Variants in UTS2B observed in about 807,000 individuals in gnomAD.
UTS2B encodes the protein urotensin 2B, also known as urotensin-2B.
A neutral mutation model predicts 19.2 loss-of-function variants in UTS2B; 21 were observed. The ratio of observed to expected loss-of-function variants is 1.09; its 90% CI spans 0.78 to 1.58. UTS2B has a LOEUF of 1.58. Ranked by LOEUF, UTS2B falls within the 40% of genes most tolerant of loss-of-function variation. The pLI is 0.00. For synonymous variants in UTS2B, 57 were observed against 50.2 expected, an observed-to-expected ratio of 1.14 and a Z score of -0.58; for missense variants, 138 against 130.3, an observed-to-expected ratio of 1.06 and a Z score of -0.29.
intron 4 of UTS2B, among the ~76,000 whole-genome samples, chr3:191,296,099 C>G (rs1716850236): frequency 6.6e-6 from 1 of 152,080 alleles, no homozygotes; most frequent in Admixed American, 6.6e-5. Context: ...CCTACATTAC[C>G]CGCCTTCACC....
intron 8 of UTS2B, among the ~76,000 whole-genome samples, chr3:191,272,797 G>T (rs1246333098): frequency 1.3e-5 from 2 of 151,144 alleles, no homozygotes; most frequent in African/African-American, 4.9e-5. Context: ...AAAGGCGAAG[G>T]TTGCAGTGAG....
rs147345071 is a variant in UTS2B at position 191,318,493 on chromosome 3, C to T, written c.-585-2054G>A. Among the ~76,000 whole-genome samples, 1,143 of 152,232 alleles carry T rather than the reference C, an allele frequency of 7.5e-3. 13 individuals are homozygous for T. The highest frequency in any genetic ancestry group is 0.027 in the African/African-American group (1,103 of 41,526). ...TGTTTTATTTTTTATTTTTGAGACGCAATCTCACTCTGTCACCCAGGCTGG... is the reference window on the plus strand; with the variant it reads ...TGTTTTATTTTTTATTTTTGAGACGTAATCTCACTCTGTCACCCAGGCTGG... On this transcript the variant is annotated intron_variant, in intron 2 of 8. Transcript: ENST00000340524.
intron 4 of UTS2B, chr3:191,294,750 C>T (rs1369326548): frequency 6.6e-6 from 1 of 151,502 alleles, no homozygotes; most frequent in Non-Finnish European, 1.5e-5. Context: ...AAATCTTGAC[C>T]AGGCATGGTG....
intron 4 of UTS2B, among the ~76,000 whole-genome samples, chr3:191,300,006 C>T (rs1716953282): frequency 6.6e-6 from 1 of 152,094 alleles, no homozygotes; most frequent in South Asian, 2.1e-4. Context: ...GTGCCTGTAG[C>T]CCCTTTCTTT....
intron 8 of UTS2B, among the ~76,000 whole-genome samples, chr3:191,271,011 T>C (rs1248690173): frequency 6.6e-6 from 1 of 151,996 alleles, no homozygotes; most frequent in Non-Finnish European, 1.5e-5. Flanking sequence ...GAGACCATTC[T>C]GACCAACATG....
At chr3:191,268,498 C>A in intron 8 of UTS2B, 57 bp from the exon 9 acceptor site, 1 of 1,305,918 alleles carries the variant, frequency 7.7e-7, no homozygotes, top group Non-Finnish European at 1.1e-6. Context: ...AAAACTTGCT[C>A]TTGAATCAAT....
the UTS2B span, among the ~76,000 whole-genome samples, chr3:191,343,664 C>A: frequency 6.6e-6 from 1 of 152,128 alleles, no homozygotes; most frequent in Non-Finnish European, 1.5e-5. Context: ...AAAGAAGGTA[C>A]AGGAGACAAG....
the UTS2B span, among the ~76,000 whole-genome samples, chr3:191,338,179 C>G: frequency 6.6e-6 from 1 of 152,158 alleles, no homozygotes; most frequent in African/African-American, 2.4e-5. Flanking sequence ...GCAACAAATT[C>G]TGTTTTGTTT....
At chr3:191,323,417 C>T (rs1477416336) in intron 2 of UTS2B, among the ~76,000 whole-genome samples, 1 of 152,132 alleles carries the variant, frequency 6.6e-6, no homozygotes, top group African/African-American at 2.4e-5. Context: ...GGTTCGCCCA[C>T]CTGGACCTCC....
chr3:191,330,830 A>G (rs1717956439), upstream of UTS2B, among the ~76,000 whole-genome samples: 1 of 152,196 alleles, frequency 6.6e-6, no homozygotes, highest in Non-Finnish European at 1.5e-5. Context: ...CAGAGTTTCA[A>G]GCACTAGGAG....
At chr3:191,290,315 T>A (rs1365712339) in intron 4 of UTS2B, among the ~76,000 whole-genome samples, 1 of 152,202 alleles carries the variant, frequency 6.6e-6, no homozygotes, top group Non-Finnish European at 1.5e-5. Flanking sequence ...GTTTGAGGAG[T>A]TCTTGTTATA....
rs1301364787 is a variant in UTS2B at position 191,282,252 on chromosome 3, A to G, written c.-63T>C. ...TTTCCAGGTCAAGATGGATATTTCT[A>G]TAGCTTTGGAATTCAGTAGAGCTTA... On this transcript the variant is annotated 5_prime_UTR_variant, in exon 5 of 9. Transcript: ENST00000340524. 1 of 1,281,644 alleles carries G rather than the reference A, an allele frequency of 7.8e-7. No individual in the cohort carries two copies. Among genetic ancestry groups the G allele is most frequent in the South Asian group, 1.3e-5 (1 of 75,628 alleles). 79.4% of individuals were successfully genotyped at this position (1,281,644 alleles called of 1,614,324 possible). A position where few individuals can be genotyped will look rare whatever the true frequency, so the allele number is the denominator to read the frequency against.
rs909717344 is a variant in UTS2B, at chr3:191,275,235, T to C, written c.334+17A>G. ...TCTTTTGGAAGTCAATCTTAAAACCTTGAAATGAAAGCTTACCTCGTTTGC... is the reference window on the plus strand; with the variant it reads ...TCTTTTGGAAGTCAATCTTAAAACCCTGAAATGAAAGCTTACCTCGTTTGC... On this transcript the variant is annotated intron_variant, in intron 8 of 8. Coordinates refer to ENST00000340524, the MANE Select transcript of UTS2B (RefSeq NM_198152.5). The C allele has an allele frequency of 1.5e-5, 23 of 1,572,490 alleles. No homozygotes were observed. Among genetic ancestry groups the C allele is most frequent in the Non-Finnish European group, 1.9e-5 (22 of 1,153,632 alleles).
rs577711819 is a variant in UTS2B at position 191,319,512 on chromosome 3, A to T, written c.-585-3073T>A. 5.9e-5 allele frequency among the ~76,000 whole-genome samples: 9 copies of T among 152,212 alleles called. No individual in the cohort carries two copies. The South Asian group carries it at 1.9e-3, about 32-fold the overall frequency. On this transcript the variant is annotated intron_variant, in intron 2 of 8. Transcript: ENST00000340524. Reference sequence around the variant, plus strand: ...TTAGTTGCTTCTCTAAATATTTTAAATTACACCTTCTGTCTATTAAGGTAT... The same window carrying T: ...TTAGTTGCTTCTCTAAATATTTTAATTTACACCTTCTGTCTATTAAGGTAT...
upstream of UTS2B, among the ~76,000 whole-genome samples, chr3:191,335,422 A>G (rs550431366): frequency 6.6e-6 from 1 of 152,168 alleles, no homozygotes. Flanking sequence ...AATAACCTAG[A>G]TCTTAGATAA....
intron 4 of UTS2B, among the ~76,000 whole-genome samples, chr3:191,289,220 T>C (rs2108582301): frequency 6.6e-6 from 1 of 151,966 alleles, no homozygotes; most frequent in East Asian, 1.9e-4. Context: ...CCATCCTGGC[T>C]AACATGGTGA....
intron 5 of UTS2B, among the ~76,000 whole-genome samples, chr3:191,278,479 T>C (rs1716298375): frequency 6.6e-6 from 1 of 152,066 alleles, no homozygotes; most frequent in South Asian, 2.1e-4. Flanking sequence ...AATCTGTGTT[T>C]CTGGAATTTT....
At chr3:191,328,527 C>T (rs1451565935) in intron 2 of UTS2B, 104 bp downstream of exon 2, 1 of 152,260 alleles carries the variant, frequency 6.6e-6, no homozygotes, top group Non-Finnish European at 1.5e-5. Flanking sequence ...CTGTCTTGGT[C>T]ACCCAGCCAC....
At chr3:191,330,759 T>C (rs759931669), upstream of UTS2B, among the ~76,000 whole-genome samples, 35 of 152,176 alleles carry the variant, frequency 2.3e-4, no homozygotes, top group Non-Finnish European at 3.8e-4. Flanking sequence ...CCGTTGGTCT[T>C]GTGTGTGCTC....
Sources: allele counts gnomAD v4.1 joint callset (sites outside exome capture counted in the v4.1 genomes callset), GRCh38; gene constraint gnomAD v4.1.1; transcripts MANE v1.5; gene names NCBI Gene and HGNC (gene_info 2026-07-23, HGNC 2026-07-21).